Variants in TASP1 observed in about 807,000 individuals in gnomAD.
The protein encoded by TASP1 is threonine aspartase 1.
Under a neutral mutation model 56.6 loss-of-function variants are expected in TASP1, and 16 were observed. The observed-to-expected ratio is 0.28, with a 90% CI of 0.19 to 0.43. The LOEUF is 0.43. Among genes scored for constraint, TASP1 ranks in the 20% least tolerant of loss-of-function variants. TASP1 has a pLI of 1.00. For synonymous variants in TASP1, 179 were observed against 184.2 expected, an observed-to-expected ratio of 0.97 and a Z score of 0.23; for missense variants, 393 against 511.6, an observed-to-expected ratio of 0.77 and a Z score of 2.24.
At chr20:13,109,055 T>C in the TASP1 span, among the ~76,000 whole-genome samples, 1 of 152,200 alleles carries the variant, frequency 6.6e-6, no homozygotes, top group South Asian at 2.1e-4. Context: ...CATTTTTTTC[T>C]TGCTAGGCTT....
At chr20:13,401,553 A>C (rs1203559296) in intron 13 of TASP1, among the ~76,000 whole-genome samples, 1 of 152,210 alleles carries the variant, frequency 6.6e-6, no homozygotes, top group Non-Finnish European at 1.5e-5. Flanking sequence ...ACATCATAAA[A>C]TCAATGGGGG....
At chr20:13,346,513 A>G in the TASP1 span, among the ~76,000 whole-genome samples, 1 of 152,214 alleles carries the variant, frequency 6.6e-6, no homozygotes, top group Non-Finnish European at 1.5e-5. Context: ...CCATTAGCGA[A>G]GCCAAATCCA....
chr20:13,311,746 C>T, the TASP1 span, among the ~76,000 whole-genome samples: 1 of 152,092 alleles, frequency 6.6e-6, no homozygotes, highest in African/African-American at 2.4e-5. Flanking sequence ...CAAACTCATA[C>T]CAGCAGAGAG....
At chr20:13,288,253 A>G in the TASP1 span, among the ~76,000 whole-genome samples, 1 of 152,206 alleles carries the variant, frequency 6.6e-6, no homozygotes, top group Non-Finnish European at 1.5e-5. Context: ...ACTGCCTAGC[A>G]TATTACCCCA....
the TASP1 span, among the ~76,000 whole-genome samples, chr20:13,291,522 A>AC: frequency 6.6e-6 from 1 of 152,170 alleles, no homozygotes; most frequent in African/African-American, 2.4e-5. Context: ...GCCAAGGCTC[A>AC]CCAGCAAATG....
chr20:13,291,072 C>T, the TASP1 span, among the ~76,000 whole-genome samples: 1 of 152,226 alleles, frequency 6.6e-6, no homozygotes, highest in African/African-American at 2.4e-5. Context: ...TCTTCCAGAG[C>T]TCACATCCAG....
At chr20:13,307,625 T>C in the TASP1 span, among the ~76,000 whole-genome samples, 1 of 152,194 alleles carries the variant, frequency 6.6e-6, no homozygotes, top group East Asian at 1.9e-4. Context: ...ATAATCAGTA[T>C]CATGAATTTT....
intron 10 of TASP1, among the ~76,000 whole-genome samples, chr20:13,520,306 C>T (rs2044694895): frequency 6.6e-6 from 1 of 152,204 alleles, no homozygotes; most frequent in Admixed American, 6.5e-5. Flanking sequence ...AAAGAGCCCA[C>T]ATTGCCAAGT....
chr20:13,562,020 CAAAATGTCCCA>C (rs1480295709), intron 7 of TASP1, among the ~76,000 whole-genome samples: 1 of 152,122 alleles, frequency 6.6e-6, no homozygotes, highest in African/African-American at 2.4e-5. Flanking sequence ...GACATTTTTC[CAAAATGTCCCA>C]TTTGTGTGTG....
At position 13,534,115 on chromosome 20, in the gene TASP1, C is replaced by A. The variant is rs779802572; in HGVS notation, c.702G>T (p.Thr234=). ...CGTGGTCCACAACCACAGCGCCTAC[C>A]GTGTCCAAAGTGCCTGAGTCATTTT... ...EKENDSGTLD[T]VGAVVVDHEG... is the part of the protein sequence containing the mutation. Residue 234 remains threonine, a synonymous_variant, in exon 9 of 14, where the codon ACG becomes ACT. Coordinates refer to ENST00000337743, the MANE Select transcript of TASP1 (RefSeq NM_017714.3). 19 of 1,613,590 alleles carry A rather than the reference C, an allele frequency of 1.2e-5. No homozygotes were observed. In the Admixed American group the frequency reaches 2.8e-4, roughly 24 times the overall value.
chr20:13,323,111 G>A, the TASP1 span, among the ~76,000 whole-genome samples: 1 of 152,096 alleles, frequency 6.6e-6, no homozygotes, highest in South Asian at 2.1e-4. Context: ...TAGGAACTAA[G>A]AGCAATCAGA....
chr20:13,471,064 T>C (rs575104187), intron 11 of TASP1, among the ~76,000 whole-genome samples: 2 of 152,318 alleles, frequency 1.3e-5, no homozygotes, highest in African/African-American at 4.8e-5. Context: ...TCTGCTCTCC[T>C]AGAGTTTATG....
intron 11 of TASP1, among the ~76,000 whole-genome samples, chr20:13,451,737 A>G (rs549077878): frequency 6.6e-6 from 1 of 152,224 alleles, no homozygotes; most frequent in African/African-American, 2.4e-5. Context: ...TGTGTTCACT[A>G]GAGTAGCACT....
intron 8 of TASP1, among the ~76,000 whole-genome samples, chr20:13,553,405 GA>G (rs2046047328): frequency 6.6e-6 from 1 of 152,082 alleles, no homozygotes; most frequent in Non-Finnish European, 1.5e-5. Context: ...AAATAAGAAA[GA>G]GATAAAAGAA....
intron 8 of TASP1, among the ~76,000 whole-genome samples, chr20:13,550,173 CACACACACACACAG>C (rs1409972173): frequency 5.5e-4 from 83 of 151,548 alleles, no homozygotes; most frequent in African/African-American, 1.8e-3. Context: ...CACACACACA[CACACACACACACAG>C]AGACACTGCA....
intron 10 of TASP1, among the ~76,000 whole-genome samples, chr20:13,499,377 GTGA>G (rs1176781334): frequency 5.3e-5 from 8 of 151,680 alleles, no homozygotes; most frequent in African/African-American, 1.9e-4. Flanking sequence ...CACTACCTGG[GTGA>G]TGAGATCAGT....
chr20:13,626,501 TAGGA>T (rs1209512919), intron 2 of TASP1, among the ~76,000 whole-genome samples: 26 of 152,282 alleles, frequency 1.7e-4, no homozygotes, highest in African/African-American at 6.0e-4. Context: ...CTCTAGGCCT[TAGGA>T]TTCCTACAGG....
intron 4 of TASP1, among the ~76,000 whole-genome samples, chr20:13,605,243 A>G (rs2048106066): frequency 6.6e-6 from 1 of 152,096 alleles, no homozygotes; most frequent in Non-Finnish European, 1.5e-5. Flanking sequence ...GTTATACATC[A>G]TGATTGTACT....
the TASP1 span, among the ~76,000 whole-genome samples, chr20:13,175,521 G>A: frequency 6.6e-6 from 1 of 152,146 alleles, no homozygotes; most frequent in African/African-American, 2.4e-5. Flanking sequence ...GAGGTGGGAA[G>A]TTAGACTACA....
Sources: gnomAD v4.1 joint callset for allele counts (sites outside exome capture counted in the v4.1 genomes callset) on GRCh38, gnomAD v4.1.1 for gene constraint, MANE v1.5 for transcripts, NCBI Gene and HGNC (gene_info 2026-07-23, HGNC 2026-07-21) for gene names.